AGBL1: variants seen among roughly 807,000 people sequenced by gnomAD.
AGBL1 encodes the protein cytosolic carboxypeptidase 4.
Under a neutral mutation model 118.9 loss-of-function variants are expected in AGBL1, and 130 were observed. That is an observed-to-expected ratio of 1.09 (90% CI 0.95 to 1.26). The LOEUF is 1.26. Among genes scored for constraint, AGBL1 ranks in the 50% most tolerant of loss-of-function variants. The pLI is 0.00. For missense variants in AGBL1, 1,584 were observed against 1,298.1 expected (o/e 1.22, Z -3.38); for synonymous variants, 555 against 478.9 (o/e 1.16, Z -2.08).
chr15:86,204,053 G>A (rs1274460412), intron 5 of AGBL1, among the ~76,000 whole-genome samples: 5 of 152,166 alleles, frequency 3.3e-5, no homozygotes, highest in Admixed American at 3.3e-4. Context: ...TATGATGGAT[G>A]AGGAGTCTGG....
chr15:86,200,985 C>T (rs1057056256), intron 5 of AGBL1, among the ~76,000 whole-genome samples: 4 of 152,060 alleles, frequency 2.6e-5, no homozygotes, highest in Non-Finnish European at 4.4e-5. Flanking sequence ...CAAATGTTTT[C>T]ATACAGTAAA....
chr15:86,679,680 G>T (rs753882627), intron 22 of AGBL1, among the ~76,000 whole-genome samples: 16 of 151,920 alleles, frequency 1.1e-4, no homozygotes, highest in Non-Finnish European at 2.2e-4. Flanking sequence ...AAGTGAAATG[G>T]CTCTTGGTTT....
chr15:86,686,248 C>A (rs2123264), intron 22 of AGBL1, among the ~76,000 whole-genome samples: 33,446 of 151,880 alleles, frequency 0.22, 4,837 homozygotes, highest in East Asian at 0.45. Flanking sequence ...TGAATTGACT[C>A]CATCTCCTAT....
Position 86,513,525 on chromosome 15 carries a change from T to G in AGBL1, c.2556-9285T>G, listed in dbSNP as rs192236448. Reference sequence around the variant, plus strand: ...AAAGTTACTATTATTTGCTTTGGGATTAGTAAGTGTCTTGTGGGGAGATAC... The same window carrying G: ...AAAGTTACTATTATTTGCTTTGGGAGTAGTAAGTGTCTTGTGGGGAGATAC... On this transcript the variant is annotated intron_variant, in intron 18 of 22. Transcript: ENST00000614907. Among the ~76,000 whole-genome samples the G allele has an allele frequency of 3.6e-4, 55 of 152,174 alleles. 1 individual carries two copies. Among genetic ancestry groups the G allele is most frequent in the African/African-American group, 1.3e-3 (54 of 41,568 alleles).
chr15:86,756,662 G>T (rs2077945818), intron 22 of AGBL1, among the ~76,000 whole-genome samples: 1 of 152,082 alleles, frequency 6.6e-6, no homozygotes, highest in African/African-American at 2.4e-5. Flanking sequence ...CTATAACCAG[G>T]ACCCACTGTG....
At chr15:86,281,162 T>C (rs2079346711) in intron 16 of AGBL1, among the ~76,000 whole-genome samples, 1 of 152,092 alleles carries the variant, frequency 6.6e-6, no homozygotes, top group Non-Finnish European at 1.5e-5. Flanking sequence ...GATGAGAGGA[T>C]TGCTTGAGCC....
chr15:86,777,919 A>T (rs573421564), intron 22 of AGBL1, among the ~76,000 whole-genome samples: 31 of 152,248 alleles, frequency 2.0e-4, no homozygotes, highest in African/African-American at 7.5e-4. Flanking sequence ...TATCGGGGGA[A>T]ATTCAGCCAG....
intron 18 of AGBL1, among the ~76,000 whole-genome samples, chr15:86,426,826 G>A (rs1447983532): frequency 6.6e-6 from 1 of 152,140 alleles, no homozygotes; most frequent in Non-Finnish European, 1.5e-5. Context: ...GAGTGCAATG[G>A]CACCATCTTG....
intron 1 of AGBL1, among the ~76,000 whole-genome samples, chr15:86,136,904 C>A (rs1359849153): frequency 6.6e-6 from 1 of 152,128 alleles, no homozygotes. Context: ...CTTCCAACTC[C>A]AACTCCCTGA....
intron 19 of AGBL1, among the ~76,000 whole-genome samples, chr15:86,523,240 T>C (rs2142201931): frequency 6.6e-6 from 1 of 152,340 alleles, no homozygotes; most frequent in Non-Finnish European, 1.5e-5. Context: ...TCTTTGTCTG[T>C]TCCAGCTTCT....
At chr15:86,569,950 A>C (rs544866905) in intron 21 of AGBL1, among the ~76,000 whole-genome samples, 3 of 152,342 alleles carry the variant, frequency 2.0e-5, no homozygotes, top group African/African-American at 7.2e-5. Flanking sequence ...TATCTCTGTA[A>C]ATCTTACTCT....
At chr15:86,258,834 G>A (rs1297140549) in intron 9 of AGBL1, among the ~76,000 whole-genome samples, 1 of 152,068 alleles carries the variant, frequency 6.6e-6, no homozygotes, top group Non-Finnish European at 1.5e-5. Context: ...AGCCTCCCAA[G>A]TAACTGGGAC....
intron 22 of AGBL1, among the ~76,000 whole-genome samples, chr15:86,701,909 C>T (rs2086367021): frequency 6.7e-6 from 1 of 149,702 alleles, no homozygotes; most frequent in South Asian, 2.2e-4. Flanking sequence ...TCACTTTCCT[C>T]CCATCCACTA....
At chr15:86,258,605 G>C (rs374477090) in intron 9 of AGBL1, among the ~76,000 whole-genome samples, 1 of 152,180 alleles carries the variant, frequency 6.6e-6, no homozygotes, top group South Asian at 2.1e-4. Flanking sequence ...AATTATTTTA[G>C]GCTTTGTGGA....
intron 18 of AGBL1, among the ~76,000 whole-genome samples, chr15:86,484,807 AC>A (rs2082694040): frequency 6.6e-6 from 1 of 152,130 alleles, no homozygotes; most frequent in South Asian, 2.1e-4. Context: ...ATTCTAGAGA[AC>A]TGCTATGAGA....
chr15:86,678,999 A>C (rs1334438825), intron 22 of AGBL1, among the ~76,000 whole-genome samples: 2 of 152,090 alleles, frequency 1.3e-5, no homozygotes, highest in Non-Finnish European at 2.9e-5. Context: ...TTTGTAATCT[A>C]AATGTATGAT....
intron 15 of AGBL1, among the ~76,000 whole-genome samples, chr15:86,275,207 T>C (rs1373010598): frequency 6.6e-6 from 1 of 152,120 alleles, no homozygotes; most frequent in African/African-American, 2.4e-5. Flanking sequence ...GCGCTTAGAG[T>C]GGCCATGTAA....
chr15:86,419,692 C>G lies in AGBL1; in HGVS notation c.2555+22146C>G, dbSNP rs148800653. Among the ~76,000 whole-genome samples the G allele has an allele frequency of 5.9e-3, 892 of 152,290 alleles. 29 individuals are homozygous for G. Among genetic ancestry groups the G allele is most frequent in the Admixed American group, 0.045 (681 of 15,296 alleles). ...TCAGTGGATCCCACTCCCATGGAGC[C>G]TAGCAAGCTAAGATTCACTGGCTTG... On this transcript the variant is annotated intron_variant, in intron 18 of 22. Coordinates refer to ENST00000614907, the MANE Select transcript of AGBL1 (RefSeq NM_001386094.1).
chr15:86,605,368 CT>C (rs2084560960), intron 21 of AGBL1, among the ~76,000 whole-genome samples: 1 of 151,828 alleles, frequency 6.6e-6, no homozygotes, highest in Non-Finnish European at 1.5e-5. Context: ...GCATGCTTTG[CT>C]TTTTGATTTC....
Sources: gnomAD v4.1 joint callset for allele counts (sites outside exome capture counted in the v4.1 genomes callset) on GRCh38, gnomAD v4.1.1 for gene constraint, MANE v1.5 for transcripts, NCBI Gene and HGNC (gene_info 2026-07-23, HGNC 2026-07-21) for gene names.